The following KLHL4 variants were observed in gnomAD, a reference collection of about 807,000 sequenced individuals.
The protein encoded by KLHL4 is kelch like family member 4, also known as kelch-like protein 4.
In KLHL4, 17 loss-of-function variants were observed where a neutral mutation model predicts 45.8. That is an observed-to-expected ratio of 0.37 (90% CI 0.25 to 0.56). The LOEUF (loss-of-function observed/expected upper bound fraction) is 0.56. KLHL4 is among the 20% of genes least tolerant of loss of function. The probability of loss-of-function intolerance (pLI) is 0.79; values close to 1 mark genes in which losing one functional copy is unlikely to be tolerated. For missense variants in KLHL4, 544 were observed against 544.9 expected (o/e 1.00, Z 0.02); for synonymous variants, 224 against 189.9 (o/e 1.18, Z -1.47).
chrX:87,518,603 G>A (rs1361673954), intron 1 of KLHL4, among the ~76,000 whole-genome samples: 1 of 111,578 alleles, frequency 9.0e-6, no homozygotes, highest in Non-Finnish European at 1.9e-5. Flanking sequence ...AATTACTAAT[G>A]TTCTATAAAT....
intron 1 of KLHL4, among the ~76,000 whole-genome samples, chrX:87,544,911 C>T (rs5969247): frequency 0.25 from 27,649 of 110,503 alleles, 2,945 homozygotes; most frequent in East Asian, 0.51. Flanking sequence ...AAAACACATA[C>T]TAGGATCAAT....
chrX:87,583,477 G>A (rs766780711), intron 1 of KLHL4, among the ~76,000 whole-genome samples: 3 of 111,969 alleles, frequency 2.7e-5, no homozygotes, highest in Non-Finnish European at 5.6e-5. Context: ...TTGCATCTTC[G>A]ATGCCATGTC....
chrX:87,536,772 G>A (rs935585511), intron 1 of KLHL4, among the ~76,000 whole-genome samples: 1 of 111,025 alleles, frequency 9.0e-6, no homozygotes, highest in African/African-American at 3.3e-5. Flanking sequence ...CAAGTGGGGG[G>A]ATATTCTGTG....
chrX:87,583,241 AAGAC>A (rs1921346609), intron 1 of KLHL4, among the ~76,000 whole-genome samples: 1 of 111,853 alleles, frequency 8.9e-6, no homozygotes, highest in African/African-American at 3.3e-5. Flanking sequence ...ATCCTCTTGT[AAGAC>A]AGAAAAGTTC....
intron 4 of KLHL4, among the ~76,000 whole-genome samples, chrX:87,621,043 C>T (rs1471038956): frequency 1.9e-5 from 2 of 107,012 alleles, no homozygotes; most frequent in Non-Finnish European, 3.8e-5. Context: ...TTGAAACTTA[C>T]GGCATCAGAG....
intron 1 of KLHL4, among the ~76,000 whole-genome samples, chrX:87,596,102 A>G (rs1921831776): frequency 9.0e-6 from 1 of 111,446 alleles, no homozygotes; most frequent in Admixed American, 9.6e-5. Flanking sequence ...GCCATGTGAC[A>G]TGTCTGCTCC....
chrX:87,555,377 T>G (rs1364841543), intron 1 of KLHL4, among the ~76,000 whole-genome samples: 2 of 111,353 alleles, frequency 1.8e-5, no homozygotes, highest in Non-Finnish European at 3.8e-5. Context: ...AAGCTATTGA[T>G]TATTGCCACA....
At chrX:87,651,192 A>T (rs916055801) in intron 9 of KLHL4, among the ~76,000 whole-genome samples, 1 of 111,392 alleles carries the variant, frequency 9.0e-6, no homozygotes, top group African/African-American at 3.3e-5. Context: ...GAAGGCCCCC[A>T]TGATTCAATT....
rs899830214 is a variant in KLHL4 at position 87,600,905 on chromosome X, C to T, written c.423-12972C>T. ...AAGATATCCATAGAAAAGCATCCAA[C>T]GTTTCAGTTAGATAGGAGAAACAAG... On this transcript the variant is annotated intron_variant, in intron 1 of 10. Transcript: ENST00000373119. Among the ~76,000 whole-genome samples the T allele has an allele frequency of 7.1e-5, 8 of 111,898 alleles. No homozygotes were observed. In the Admixed American group the frequency reaches 7.6e-4, roughly 11 times the overall value.
At chrX:87,611,061 G>A (rs1463691440) in intron 1 of KLHL4, among the ~76,000 whole-genome samples, 1 of 110,880 alleles carries the variant, frequency 9.0e-6, no homozygotes, top group African/African-American at 3.3e-5. Context: ...GCAACACAGC[G>A]AGATTCTGTC....
At chrX:87,569,141 T>C (rs1385413191) in intron 1 of KLHL4, among the ~76,000 whole-genome samples, 2 of 111,304 alleles carry the variant, frequency 1.8e-5, no homozygotes, top group Non-Finnish European at 3.8e-5. Flanking sequence ...AGATGAATAA[T>C]ACAGTTCATA....
At chrX:87,535,897 T>G (rs1002209563) in intron 1 of KLHL4, among the ~76,000 whole-genome samples, 1 of 110,076 alleles carries the variant, frequency 9.1e-6, no homozygotes, top group East Asian at 2.9e-4. Flanking sequence ...TCCCCGTCTC[T>G]TTTGCTCCTT....
Position 87,631,803 on chromosome X carries a change from A to G in KLHL4, c.1325-407A>G, listed in dbSNP as rs1296733910. 3.6e-5 allele frequency among the ~76,000 whole-genome samples: 4 copies of G among 112,480 alleles called. No homozygotes were observed. In the East Asian group the frequency reaches 1.1e-3, roughly 31 times the overall value. ...CACACACACCCAAAACAAATTTAAA[A>G]AGCATAAATTAGTATGTTGAATGGT... On this transcript the variant is annotated intron_variant, in intron 6 of 10. Transcript: ENST00000373119.
At chrX:87,654,575 T>G (rs995432106) in intron 9 of KLHL4, among the ~76,000 whole-genome samples, 1 of 111,759 alleles carries the variant, frequency 8.9e-6, no homozygotes, top group South Asian at 3.7e-4. Context: ...ATTTCATATA[T>G]TTGCTATTGT....
intron 9 of KLHL4, among the ~76,000 whole-genome samples, chrX:87,636,327 G>A (rs1923261971): frequency 8.9e-6 from 1 of 111,783 alleles, no homozygotes; most frequent in African/African-American, 3.3e-5. Context: ...ATCAAAATAA[G>A]TTTACTGAGA....
chrX:87,533,128 T>C (rs773601159), intron 1 of KLHL4, among the ~76,000 whole-genome samples: 4 of 109,130 alleles, frequency 3.7e-5, no homozygotes, highest in Non-Finnish European at 7.6e-5. Context: ...AGTTCAACCA[T>C]TGTGGAAGTC....
In KLHL4 at chrX:87,517,831, A is replaced by C; in HGVS notation, c.-63A>C. On this transcript the variant is annotated 5_prime_UTR_variant, in exon 1 of 11. Coordinates refer to ENST00000373119, the MANE Select transcript of KLHL4 (RefSeq NM_019117.5). ...GTTCTACAGAAGAGGCAGAAAAACAAGAGATAACAAAGGCTCCGTTTCCTT... is the reference window on the plus strand; with the variant it reads ...GTTCTACAGAAGAGGCAGAAAAACACGAGATAACAAAGGCTCCGTTTCCTT... 4 of 1,089,551 alleles carry C rather than the reference A, an allele frequency of 3.7e-6. No homozygotes were observed. The highest frequency in any genetic ancestry group is 4.9e-6 in the Non-Finnish European group (4 of 811,895). 89.8% of individuals were successfully genotyped at this position (1,089,551 alleles called of 1,213,427 possible). A position where few individuals can be genotyped will look rare whatever the true frequency, so the allele number is the denominator to read the frequency against.
chrX:87,533,141 T>A (rs1931339566), intron 1 of KLHL4, among the ~76,000 whole-genome samples: 1 of 109,482 alleles, frequency 9.1e-6, no homozygotes, highest in African/African-American at 3.3e-5. Flanking sequence ...TGGAAGTCAG[T>A]GTGGCGATTC....
intron 9 of KLHL4, among the ~76,000 whole-genome samples, chrX:87,656,899 T>G (rs1361272837): frequency 8.9e-6 from 1 of 112,214 alleles, no homozygotes; most frequent in Non-Finnish European, 1.9e-5. Flanking sequence ...TAACCTATTT[T>G]GAATAAGATC....
Sources: gnomAD v4.1 joint callset for allele counts (sites outside exome capture counted in the v4.1 genomes callset) on GRCh38, gnomAD v4.1.1 for gene constraint, MANE v1.5 for transcripts, NCBI Gene and HGNC (gene_info 2026-07-23, HGNC 2026-07-21) for gene names.